Variants in DOP1B observed in about 807,000 individuals in gnomAD.
DOP1B encodes the protein DOP1 leucine zipper like protein B.
DOP1B carries 174 observed loss-of-function variants against 233.5 expected under a neutral mutation model. That is an observed-to-expected ratio of 0.75 (90% CI 0.66 to 0.85). DOP1B has a LOEUF of 0.85. DOP1B is among the 40% of genes least tolerant of loss of function. The pLI is 0.00. For synonymous variants in DOP1B, 1,190 were observed against 1,185.6 expected (o/e 1.00, Z -0.08); for missense variants, 2,652 against 2,846.6 (o/e 0.93, Z 1.56).
At chr21:36,271,295 T>TTGGAGTG (rs1446431425) in intron 27 of DOP1B, among the ~76,000 whole-genome samples, 3,802 of 131,566 alleles carry the variant, frequency 0.029, 142 homozygotes, top group Admixed American at 0.1. Flanking sequence ...AGGTTGGAGT[T>TTGGAGTG]CACCCAGGTT....
chr21:36,287,831 C>T (rs1214597034), intron 32 of DOP1B, among the ~76,000 whole-genome samples, 183 bp from the exon 33 acceptor site: 7 of 151,954 alleles, frequency 4.6e-5, no homozygotes, highest in Non-Finnish European at 7.4e-5. Context: ...GTTATCCGCC[C>T]GCCTCGGCCT....
In DOP1B at chr21:36,211,784, C is replaced by T. The variant is rs1283134077; in HGVS notation, c.780+133C>T. The T allele has an allele frequency of 8.5e-6, 11 of 1,301,684 alleles. No individual in the cohort carries two copies. The African/African-American group carries it at 1.5e-4, about 17-fold the overall frequency. The allele number at this position is 1,301,684 out of a possible 1,614,324, so 80.6% of individuals were successfully genotyped here. A position where few individuals can be genotyped will look rare whatever the true frequency, so the allele number is the denominator to read the frequency against. On this transcript the variant is annotated intron_variant, in intron 6 of 36. Coordinates refer to ENST00000691173, the MANE Select transcript of DOP1B (RefSeq NM_001320714.2). The stretch of plus-strand genomic sequence containing the variant: ...TATTTGCTGGTAGCCAGTGAAAAGT[C>T]CTTGTTCATTTTTGCAAGGATAGCG...
chr21:36,160,104 G>A (rs1275064655), intron 1 of DOP1B, among the ~76,000 whole-genome samples: 1 of 151,666 alleles, frequency 6.6e-6, no homozygotes, highest in African/African-American at 2.4e-5. Context: ...TAGAGATGCT[G>A]GGTTTCAGAA....
In DOP1B at chr21:36,214,140, G is replaced by A. The variant is rs765629333; in HGVS notation, c.964G>A (p.Asp322Asn). 6.2e-7 allele frequency: 1 copy of A among 1,613,918 alleles called. No individual in the cohort carries two copies. The highest frequency in any genetic ancestry group is 8.5e-7 in the Non-Finnish European group (1 of 1,179,956). ...ATCTGAAATCTCAAATTCTTATGAA[G>A]ACCAGTCGTCTTATTTTTTTGAAAA... ...PESEISNSYE[D>N]QSSYFFEKYS... The change falls in exon 8 of 37, where the codon GAC (aspartate) becomes AAC (asparagine). Residue 322 changes from aspartate (D) to asparagine (N), a missense_variant. By Grantham distance (23) the Asp-to-Asn change is conservative. Coordinates refer to ENST00000691173, the MANE Select transcript of DOP1B (RefSeq NM_001320714.2).
chr21:36,171,692 A>T (rs2065973090), intron 2 of DOP1B, among the ~76,000 whole-genome samples: 1 of 152,194 alleles, frequency 6.6e-6, no homozygotes, highest in African/African-American at 2.4e-5. Flanking sequence ...AGCCTTCAGA[A>T]GAAAGCCGCT....
chr21:36,219,639 G>C, intron 10 of DOP1B, 147 bp downstream of exon 10: 1 of 1,137,218 alleles, frequency 8.8e-7, no homozygotes, highest in Non-Finnish European at 1.2e-6. Flanking sequence ...TAATCAATGC[G>C]TTGAAGTCAG....
At chr21:36,165,518 C>T (rs920264486) in intron 2 of DOP1B, among the ~76,000 whole-genome samples, 2 of 152,042 alleles carry the variant, frequency 1.3e-5, no homozygotes, top group African/African-American at 4.8e-5. Context: ...GGTCCCCAAC[C>T]CCCAGGCCGC....
At chr21:36,290,331 C>A (rs956086040) in intron 35 of DOP1B, among the ~76,000 whole-genome samples, 3 of 152,068 alleles carry the variant, frequency 2.0e-5, no homozygotes, top group Admixed American at 6.6e-5. Context: ...TCGAGACCAG[C>A]CTGGCCAACA....
intron 2 of DOP1B, among the ~76,000 whole-genome samples, chr21:36,168,311 G>T (rs995929350): frequency 6.6e-6 from 1 of 152,098 alleles, no homozygotes; most frequent in African/African-American, 2.4e-5. Context: ...ATTGTGAATA[G>T]TGTTGCTATG....
Position 36,185,929 on chromosome 21 carries a change from G to A in DOP1B, c.139-13141G>A, listed in dbSNP as rs550022250. ...TAAAAAGTAATTTTCTGGGCCGGGCGTGGTGGCTCACACCTGTAATCCCAG... is the reference window on the plus strand; with the variant it reads ...TAAAAAGTAATTTTCTGGGCCGGGCATGGTGGCTCACACCTGTAATCCCAG... On this transcript the variant is annotated intron_variant, in intron 2 of 36. Transcript: ENST00000691173. 5.9e-5 allele frequency among the ~76,000 whole-genome samples: 9 copies of A among 152,358 alleles called. No individual in the cohort carries two copies. In the East Asian group the frequency reaches 1.2e-3, roughly 20 times the overall value.
intron 2 of DOP1B, among the ~76,000 whole-genome samples, chr21:36,185,881 G>A (rs962808885): frequency 2.6e-5 from 4 of 152,182 alleles, no homozygotes; most frequent in East Asian, 3.8e-4. Context: ...GTGAGGCAGC[G>A]GTGAGTTTGT....
chr21:36,293,669 C>T lies in DOP1B; in HGVS notation c.*98C>T. Reference sequence around the variant, plus strand: ...AAGAAGGCAGGATAGTGCTTTTGAACAAGCCTATTTCCATTTTGAAAGTAG... The same window carrying T: ...AAGAAGGCAGGATAGTGCTTTTGAATAAGCCTATTTCCATTTTGAAAGTAG... On this transcript the variant is annotated 3_prime_UTR_variant, in exon 37 of 37. Coordinates refer to ENST00000691173, the MANE Select transcript of DOP1B (RefSeq NM_001320714.2). 1 of 1,362,210 alleles carries T rather than the reference C, an allele frequency of 7.3e-7. No individual in the cohort carries two copies. The highest frequency in any genetic ancestry group is 1.3e-5 in the South Asian group (1 of 74,350). 84.4% of individuals were successfully genotyped at this position (1,362,210 alleles called of 1,614,324 possible).
chr21:36,268,913 C>T (rs2067257839), intron 26 of DOP1B, among the ~76,000 whole-genome samples: 1 of 152,208 alleles, frequency 6.6e-6, no homozygotes, highest in South Asian at 2.1e-4. Flanking sequence ...TGTGATCCGC[C>T]TGCCTCGGCC....
At chr21:36,177,783 C>T (rs961084071) in intron 2 of DOP1B, among the ~76,000 whole-genome samples, 1 of 152,210 alleles carries the variant, frequency 6.6e-6, no homozygotes, top group Middle Eastern at 3.2e-3. Flanking sequence ...TCTCCACCAG[C>T]AAGAAGGCCC....
At chr21:36,218,626 G>A (rs1359768856) in intron 9 of DOP1B, among the ~76,000 whole-genome samples, 2 of 152,218 alleles carry the variant, frequency 1.3e-5, no homozygotes, top group Non-Finnish European at 2.9e-5. Flanking sequence ...GAAAAGAAGT[G>A]TAAAAGATTG....
chr21:36,226,043 C>G (rs2066678682), intron 12 of DOP1B, among the ~76,000 whole-genome samples: 1 of 152,088 alleles, frequency 6.6e-6, no homozygotes, highest in Non-Finnish European at 1.5e-5. Flanking sequence ...TAGAAACGTG[C>G]CAATTTTATT....
chr21:36,195,768 A>G (rs1177524447), intron 2 of DOP1B, among the ~76,000 whole-genome samples: 1 of 152,232 alleles, frequency 6.6e-6, no homozygotes, highest in African/African-American at 2.4e-5. Flanking sequence ...ATCAGTCAGG[A>G]TAGGGAAAGT....
chr21:36,253,765 T>TTTTTTTTTTA lies in DOP1B; in HGVS notation c.5122-6_5122-5insTTTTTTTTAT. On this transcript the variant is annotated splice_region_variant and splice_polypyrimidine_tract_variant and intron_variant, in intron 22 of 36. Transcript: ENST00000691173. ...AGCTTTCAAGGAACTTTTTTTTTTCTTGGCAGATTATCCCAACGGCAAGTG... is the reference window on the plus strand; with the variant it reads ...AGCTTTCAAGGAACTTTTTTTTTTCTTTTTTTTTTATGGCAGATTATCCCAACGGCAAGTG... The TTTTTTTTTTA allele has an allele frequency of 6.2e-7, 1 of 1,607,756 alleles. No homozygotes were observed. The highest frequency in any genetic ancestry group is 1.1e-5 in the South Asian group (1 of 89,928).
rs578120750 is a variant in DOP1B, at chr21:36,260,096, C to T, written c.5260-581C>T. Among the ~76,000 whole-genome samples the T allele has an allele frequency of 6.6e-4, 98 of 149,014 alleles. 2 individuals carry two copies. The South Asian group carries it at 0.018, about 28-fold the overall frequency. On this transcript the variant is annotated intron_variant, in intron 23 of 36. Transcript: ENST00000691173. Reference sequence around the variant, plus strand: ...GCTTGAACCTGGGAAGCGGAGGTTGCAGTGAGCTGAGATTGCACCAGTGTA... The same window carrying T: ...GCTTGAACCTGGGAAGCGGAGGTTGTAGTGAGCTGAGATTGCACCAGTGTA...
Sources: allele counts gnomAD v4.1 joint callset (sites outside exome capture counted in the v4.1 genomes callset), GRCh38; gene constraint gnomAD v4.1.1; transcripts MANE v1.5; gene names NCBI Gene and HGNC (gene_info 2026-07-23, HGNC 2026-07-21).